The following BCAT1 variants were observed in gnomAD, a reference collection of about 807,000 sequenced individuals.
BCAT1 encodes the protein branched-chain-amino-acid aminotransferase, cytosolic.
BCAT1 carries 48 observed loss-of-function variants against 52.4 expected under a neutral mutation model. That is an observed-to-expected ratio of 0.92 (90% CI 0.73 to 1.16). BCAT1 has a LOEUF of 1.16. Ranked by LOEUF, BCAT1 falls within the 50% of genes most tolerant of loss-of-function variation. BCAT1 has a pLI of 0.00. For synonymous variants in BCAT1, 167 were observed against 161.3 expected (o/e 1.04, Z -0.27); for missense variants, 451 against 457.1 (o/e 0.99, Z 0.12).
intron 5 of BCAT1, among the ~76,000 whole-genome samples, chr12:24,854,051 AG>A (rs1941594265): frequency 6.6e-6 from 1 of 152,242 alleles, no homozygotes; most frequent in African/African-American, 2.4e-5. Context: ...TACATATACA[AG>A]GGTTTTTAAA....
chr12:24,875,286 T>C (rs1326634060), intron 5 of BCAT1, among the ~76,000 whole-genome samples: 1 of 152,240 alleles, frequency 6.6e-6, no homozygotes, highest in Non-Finnish European at 1.5e-5. Context: ...TAAATCCATA[T>C]ACATTATTGG....
At chr12:24,877,393 G>C (rs1942377360) in intron 5 of BCAT1, among the ~76,000 whole-genome samples, 1 of 152,146 alleles carries the variant, frequency 6.6e-6, no homozygotes, top group Non-Finnish European at 1.5e-5. Context: ...CCAGAGACAG[G>C]TGACAGGGTC....
chr12:24,912,728 G>C (rs948651448), intron 1 of BCAT1, among the ~76,000 whole-genome samples: 2 of 151,816 alleles, frequency 1.3e-5, no homozygotes, highest in Admixed American at 1.3e-4. Context: ...TGGAGAACGT[G>C]GGTATTTGGG....
Position 24,813,482 on chromosome 12 carries a change from CTTTG to C in BCAT1, c.*4522_*4525del, listed in dbSNP as rs906973268. 3 of 151,998 alleles carry C rather than the reference CTTTG, an allele frequency of 2.0e-5. No homozygotes were observed. Among genetic ancestry groups the C allele is most frequent in the African/African-American group, 7.2e-5 (3 of 41,430 alleles). The allele number at this position is 151,998 out of a possible 1,614,324, so 9.4% of individuals were successfully genotyped here. Reference sequence around the variant, plus strand: ...GAAAAATTCACTCTAGGATCATTTTCTTTGTTTATTTCCATCTAATCTGGCTTTG... The same window carrying C: ...GAAAAATTCACTCTAGGATCATTTTCTTTATTTCCATCTAATCTGGCTTTG... On this transcript the variant is annotated 3_prime_UTR_variant, in exon 11 of 11. Coordinates refer to ENST00000261192, the MANE Select transcript of BCAT1 (RefSeq NM_005504.7).
chr12:24,905,358 G>A (rs1308269324), intron 1 of BCAT1, among the ~76,000 whole-genome samples: 2 of 152,222 alleles, frequency 1.3e-5, no homozygotes, highest in Non-Finnish European at 2.9e-5. Flanking sequence ...ATATTGAAAT[G>A]AATATGCAAA....
chr12:24,922,665 G>A (rs1337238247), intron 1 of BCAT1, among the ~76,000 whole-genome samples: 5 of 152,092 alleles, frequency 3.3e-5, no homozygotes, highest in African/African-American at 9.7e-5. Context: ...GAGGTCAGGA[G>A]ATCAAGACCA....
intron 9 of BCAT1, 47 bp downstream of exon 9, chr12:24,832,676 T>A: frequency 1.3e-6 from 2 of 1,538,186 alleles, no homozygotes; most frequent in Non-Finnish European, 1.8e-6. Flanking sequence ...TTAAATGTAA[T>A]TTAATGTGAT....
chr12:24,867,700 T>C (rs1157958917), intron 5 of BCAT1, among the ~76,000 whole-genome samples: 1 of 152,090 alleles, frequency 6.6e-6, no homozygotes. Flanking sequence ...AAACCCACAA[T>C]AGGAAGAAAC....
At chr12:24,911,715 G>A (rs558844448) in intron 1 of BCAT1, among the ~76,000 whole-genome samples, 21 of 151,722 alleles carry the variant, frequency 1.4e-4, no homozygotes, top group Middle Eastern at 3.4e-3. Context: ...CCCACCCCTC[G>A]TCCTCATTTG....
chr12:24,871,907 T>A (rs547018970), intron 5 of BCAT1, among the ~76,000 whole-genome samples: 1 of 152,232 alleles, frequency 6.6e-6, no homozygotes, highest in African/African-American at 2.4e-5. Flanking sequence ...ATATAAAATA[T>A]ATTGAGTTAT....
chr12:24,848,045 T>C (rs567996823), intron 6 of BCAT1, among the ~76,000 whole-genome samples: 3 of 152,184 alleles, frequency 2.0e-5, no homozygotes, highest in Non-Finnish European at 2.9e-5. Flanking sequence ...GATAGGCATA[T>C]AGGTTAAATG....
At chr12:24,823,563 T>C (rs1349522111) in intron 10 of BCAT1, among the ~76,000 whole-genome samples, 1 of 152,182 alleles carries the variant, frequency 6.6e-6, no homozygotes, top group Non-Finnish European at 1.5e-5. Flanking sequence ...TAATCCCCCA[T>C]GTTGGAGGAA....
intron 1 of BCAT1, among the ~76,000 whole-genome samples, chr12:24,937,873 G>A (rs1401267299): frequency 6.6e-6 from 1 of 152,168 alleles, no homozygotes; most frequent in Non-Finnish European, 1.5e-5. Context: ...GATAGGTCTT[G>A]GACCAAAAAT....
Position 24,941,879 on chromosome 12 carries a change from G to C in BCAT1, c.6+7048C>G, listed in dbSNP as rs534522821. Among the ~76,000 whole-genome samples, 25 of 152,300 alleles carry C rather than the reference G, an allele frequency of 1.6e-4. No individual in the cohort carries two copies. The South Asian group carries it at 5.2e-3, about 32-fold the overall frequency. ...AGCAACATGGTGCAAATTATAGATA[G>C]GATGGAGGGAGTTAAAAACCAGTAA... On this transcript the variant is annotated intron_variant, in intron 1 of 10. Transcript: ENST00000261192.
At chr12:24,870,444 T>C (rs11047685) in intron 5 of BCAT1, among the ~76,000 whole-genome samples, 24,424 of 152,218 alleles carry the variant, frequency 0.16, 2,026 homozygotes, top group East Asian at 0.22. Context: ...GTCGCCCCCA[T>C]TGGGGCTATG....
chr12:24,821,458 G>C (rs1198681911), intron 10 of BCAT1, among the ~76,000 whole-genome samples: 1 of 152,008 alleles, frequency 6.6e-6, no homozygotes, highest in Non-Finnish European at 1.5e-5. Context: ...GCTTTTATGT[G>C]ATTATTTGTT....
In BCAT1 at chr12:24,813,178, T is replaced by C. The variant is rs1217548527; in HGVS notation, c.*4830A>G. 2.0e-5 allele frequency: 3 copies of C among 152,060 alleles called. No homozygotes were observed. Among genetic ancestry groups the C allele is most frequent in the African/African-American group, 7.2e-5 (3 of 41,444 alleles). The allele number at this position is 152,060 out of a possible 1,614,324, so 9.4% of individuals were successfully genotyped here. ...TACCCACAAACACTACTATAACTAC[T>C]ATACTCTGTTGATATGTTTCATTAT... On this transcript the variant is annotated 3_prime_UTR_variant, in exon 11 of 11. Coordinates refer to ENST00000261192, the MANE Select transcript of BCAT1 (RefSeq NM_005504.7).
Position 24,812,344 on chromosome 12 carries a change from T to C in BCAT1, c.*5664A>G, listed in dbSNP as rs974417533. The stretch of plus-strand genomic sequence containing the variant: ...GAAAAAAGTCACAATCTACTTCTTG[T>C]CTAAACTTATTATTTTATTTGGCCT... On this transcript the variant is annotated 3_prime_UTR_variant, in exon 11 of 11. Transcript: ENST00000261192. 1.3e-5 allele frequency: 2 copies of C among 152,070 alleles called. No homozygotes were observed. The highest frequency in any genetic ancestry group is 4.8e-5 in the African/African-American group (2 of 41,448). The allele number at this position is 152,070 out of a possible 1,614,324, so 9.4% of individuals were successfully genotyped here. A position where few individuals can be genotyped will look rare whatever the true frequency, so the allele number is the denominator to read the frequency against.
At chr12:24,907,914 G>T (rs1158515254) in intron 1 of BCAT1, among the ~76,000 whole-genome samples, 1 of 152,132 alleles carries the variant, frequency 6.6e-6, no homozygotes, top group African/African-American at 2.4e-5. Context: ...AAGCCTGTTT[G>T]GTGGTCTCTT....
Sources: allele counts gnomAD v4.1 joint callset (sites outside exome capture counted in the v4.1 genomes callset), GRCh38; gene constraint gnomAD v4.1.1; transcripts MANE v1.5; gene names NCBI Gene and HGNC (gene_info 2026-07-23, HGNC 2026-07-21).